The following ARVCF variants were observed in gnomAD, a reference collection of about 807,000 sequenced individuals.
ARVCF encodes ARVCF delta catenin family member, also known as splicing regulator ARVCF.
Under a neutral mutation model 90.9 loss-of-function variants are expected in ARVCF, and 66 were observed. That is an observed-to-expected ratio of 0.73 (90% CI 0.60 to 0.89). The LOEUF (loss-of-function observed/expected upper bound fraction) is 0.89, where lower values mean the gene tolerates loss of function less well. Among genes scored for constraint, ARVCF ranks in the 40% least tolerant of loss-of-function variants. The pLI is 0.00. For synonymous variants in ARVCF, 653 were observed against 603.4 expected, an observed-to-expected ratio of 1.08 and a Z score of -1.21; for missense variants, 1,469 against 1,382.3, an observed-to-expected ratio of 1.06 and a Z score of -1.00.
chr22:20,015,604 G>T (rs984887492), intron 1 of ARVCF, among the ~76,000 whole-genome samples: 4 of 152,138 alleles, frequency 2.6e-5, no homozygotes, highest in Non-Finnish European at 4.4e-5. Context: ...AGAAGTAAAG[G>T]CAGCTACCCC....
chr22:20,004,454 T>C (rs1301312806), intron 2 of ARVCF, among the ~76,000 whole-genome samples: 1 of 151,232 alleles, frequency 6.6e-6, no homozygotes, highest in Non-Finnish European at 1.5e-5. Flanking sequence ...CACCATTGCA[T>C]TCCAGCCTAG....
chr22:20,005,200 A>C (rs894227096), intron 2 of ARVCF, among the ~76,000 whole-genome samples: 5 of 152,324 alleles, frequency 3.3e-5, no homozygotes, highest in South Asian at 2.1e-4. Context: ...CAGCAAAAAA[A>C]CACAAATAAC....
Position 19,973,256 on chromosome 22 carries a change from C to T in ARVCF, c.2301G>A (p.Pro767=). The T allele has an allele frequency of 6.2e-7, 1 of 1,609,096 alleles. No individual in the cohort carries two copies. The highest frequency in any genetic ancestry group is 8.5e-7 in the Non-Finnish European group (1 of 1,178,876). ...CGGTGTCTTCCTCCAGGCAGGCCCC[C>T]GGTCGCGGCGGAGCCTGTGCATTGC... ...NVRNAQAPPR[P]GACLEEDTVV... is the part of the protein sequence containing the mutation. The change falls in exon 14 of 20, where the codon CCG becomes CCA. Residue 767 remains proline (P), a synonymous_variant. Coordinates refer to ENST00000263207, the MANE Select transcript of ARVCF (RefSeq NM_001670.3).
downstream of ARVCF, chr22:19,969,555 C>T (rs1942624861): frequency 6.6e-6 from 1 of 152,450 alleles, no homozygotes; most frequent in Admixed American, 6.5e-5. Context: ...CTGCTAGCCA[C>T]CTCAGAGGCT....
intron 3 of ARVCF, among the ~76,000 whole-genome samples, chr22:19,989,830 T>C (rs984437847): frequency 9.9e-5 from 15 of 151,900 alleles, no homozygotes; most frequent in Non-Finnish European, 1.6e-4. Context: ...AGAGCCCCCT[T>C]CCCCGTGGCT....
downstream of ARVCF, among the ~76,000 whole-genome samples, chr22:19,966,292 T>G (rs1942384357): frequency 6.6e-6 from 1 of 151,972 alleles, no homozygotes; most frequent in South Asian, 2.1e-4. Context: ...GTGGGTTCTG[T>G]GAGCATCGGA....
chr22:19,966,175 G>A (rs537552073), downstream of ARVCF, among the ~76,000 whole-genome samples: 1 of 152,318 alleles, frequency 6.6e-6, no homozygotes, highest in East Asian at 1.9e-4. Context: ...TTGGGAATGG[G>A]TGTCCTTGTT....
intron 2 of ARVCF, among the ~76,000 whole-genome samples, chr22:19,991,794 A>G (rs1287773574): frequency 2.0e-5 from 3 of 152,232 alleles, no homozygotes; most frequent in Non-Finnish European, 2.9e-5. Flanking sequence ...CGGAGCTCCA[A>G]TCCAGGCTCA....
At chr22:20,015,622 C>A (rs910741531) in intron 1 of ARVCF, among the ~76,000 whole-genome samples, 2 of 152,134 alleles carry the variant, frequency 1.3e-5, no homozygotes, top group African/African-American at 4.8e-5. Flanking sequence ...CCCAGAGAAG[C>A]TAAGGTCGGG....
Position 19,973,146 on chromosome 22 carries a change from G to A in ARVCF, c.2411C>T (p.Pro804Leu). The A allele has an allele frequency of 6.2e-7, 1 of 1,608,696 alleles. No homozygotes were observed. The highest frequency in any genetic ancestry group is 8.5e-7 in the Non-Finnish European group (1 of 1,178,424). The change falls in exon 14 of 20, where the codon CCA (proline) becomes CTA (leucine). Residue 804 changes from proline (P) to leucine (L), a missense_variant. Pro to Leu is a moderately conservative substitution (Grantham distance 98). Coordinates refer to ENST00000263207, the MANE Select transcript of ARVCF (RefSeq NM_001670.3). ...ARSLLQARGVPALVALVASSQ... is the reference protein window; with the variant it reads ...ARSLLQARGVLALVALVASSQ... ...GGAGGCCACGAGAGCCACCAACGCT[G>A]GCACCCCGCGTGCCTGCAGGAGCGA...
At chr22:19,987,154 G>GGCCTGGCC in intron 3 of ARVCF, 1 of 457,598 alleles carries the variant, frequency 2.2e-6, no homozygotes, top group Non-Finnish European at 3.9e-6. Flanking sequence ...GACCAGGCTC[G>GGCCTGGCC]GCTCCGGCGC....
In ARVCF at chr22:19,981,649, G is replaced by A. The variant is rs1943509561; in HGVS notation, c.458C>T (p.Pro153Leu). Residue 153 changes from proline (P) to leucine (L), a missense_variant, in exon 5 of 20, where the codon CCC becomes CTC. Physicochemically the swap from Pro to Leu is moderately conservative, Grantham distance 98. Coordinates refer to ENST00000263207, the MANE Select transcript of ARVCF (RefSeq NM_001670.3). ...ACCATCTGCAAAAGGGCCTAGTGGGGGGCCGCCATCCAGCAGGGGGAGTCC... is the reference window on the plus strand; with the variant it reads ...ACCATCTGCAAAAGGGCCTAGTGGGAGGCCGCCATCCAGCAGGGGGAGTCC... ...PDGLPLLDGGPPLGPFADGAL... is the reference protein window; with the variant it reads ...PDGLPLLDGGLPLGPFADGAL... 1 of 1,609,700 alleles carries A rather than the reference G, an allele frequency of 6.2e-7. No individual in the cohort carries two copies. The highest frequency in any genetic ancestry group is 8.5e-7 in the Non-Finnish European group (1 of 1,179,476).
downstream of ARVCF, chr22:19,968,834 C>A: frequency 8.3e-7 from 1 of 1,203,688 alleles, no homozygotes; most frequent in Non-Finnish European, 1.2e-6. Flanking sequence ...GGGCTGTGTC[C>A]TAAATGCAAA....
chr22:19,988,295 C>A (rs1413944227), intron 3 of ARVCF, among the ~76,000 whole-genome samples: 2 of 152,266 alleles, frequency 1.3e-5, no homozygotes, highest in African/African-American at 4.8e-5. Flanking sequence ...ACCCCTGTAT[C>A]TTGCATCTAG....
chr22:19,981,861 T>C (rs1943522692), intron 4 of ARVCF, 72 bp downstream of exon 4: 7 of 1,576,076 alleles, frequency 4.4e-6, no homozygotes, highest in Non-Finnish European at 5.2e-6. Context: ...AGCTTCCATG[T>C]CCACTCTGCA....
rs1390984645 is a variant in ARVCF, at chr22:19,971,330, G to A, written c.2787C>T (p.Asp929=). 1 of 1,553,252 alleles carries A rather than the reference G, an allele frequency of 6.4e-7. No homozygotes were observed. Among genetic ancestry groups the A allele is most frequent in the Non-Finnish European group, 8.7e-7 (1 of 1,148,516 alleles). The change falls in exon 19 of 20, where the codon GAC becomes GAT. Residue 929 remains aspartate (D), a synonymous_variant. Coordinates refer to ENST00000263207, the MANE Select transcript of ARVCF (RefSeq NM_001670.3). ...EASEKEPLKL[D]PSRKAPPPGP... is the part of the protein sequence containing the mutation. The stretch of plus-strand genomic sequence containing the variant: ...CGGGGGGAGGGGCCTTCCTGCTGGG[G>A]TCGAGCTGCAGCGCACGGGTGGGCA...
At position 19,970,528 on chromosome 22, in the gene ARVCF, C is replaced by CA; in HGVS notation, c.*227_*228insT. On this transcript the variant is annotated 3_prime_UTR_variant, in exon 20 of 20. Coordinates refer to ENST00000263207, the MANE Select transcript of ARVCF (RefSeq NM_001670.3). ...TTCTGTCACTCGCTCACACACAGCA[C>CA]CATGTCAGTAAACAGCTAACTCAGG... The CA allele has an allele frequency of 8.6e-7, 1 of 1,159,550 alleles. No individual in the cohort carries two copies. The highest frequency in any genetic ancestry group is 1.1e-6 in the Non-Finnish European group (1 of 926,226). The allele number at this position is 1,159,550 out of a possible 1,614,324, so 71.8% of individuals were successfully genotyped here. A position where few individuals can be genotyped will look rare whatever the true frequency, so the allele number is the denominator to read the frequency against.
intron 10 of ARVCF, 95 bp downstream of exon 10, chr22:19,976,611 G>A: frequency 6.8e-7 from 1 of 1,470,970 alleles, no homozygotes; most frequent in East Asian, 2.5e-5. Flanking sequence ...TGAAGCCAGG[G>A]GTGGGGCAGG....
intron 1 of ARVCF, among the ~76,000 whole-genome samples, chr22:20,014,488 C>T (rs184950746): frequency 7.2e-5 from 11 of 152,360 alleles, no homozygotes; most frequent in African/African-American, 2.4e-4. Flanking sequence ...AGCCACTGCG[C>T]CCGGCCTCAT....
Sources: allele counts gnomAD v4.1 joint callset (sites outside exome capture counted in the v4.1 genomes callset), GRCh38; gene constraint gnomAD v4.1.1; transcripts MANE v1.5; gene names NCBI Gene and HGNC (gene_info 2026-07-23, HGNC 2026-07-21).